CSMD1: variants seen among roughly 807,000 people sequenced by gnomAD.
The protein encoded by CSMD1 is CUB and sushi domain-containing protein 1.
A neutral mutation model predicts 417.5 loss-of-function variants in CSMD1; 213 were observed. That is an observed-to-expected ratio of 0.51 (90% confidence interval 0.46 to 0.57). The LOEUF is 0.57. CSMD1 is among the 20% of genes least tolerant of loss of function. The probability of loss-of-function intolerance (pLI) is 0.00; values close to 1 mark genes in which losing one functional copy is unlikely to be tolerated. For missense variants in CSMD1, 6,923 were observed against 4,529.7 expected (o/e 1.53, Z -15.17); for synonymous variants, 2,862 against 1,736.8 (o/e 1.65, Z -16.11).
chr8:3,006,395 C>T (rs1344222190), intron 52 of CSMD1, among the ~76,000 whole-genome samples: 1 of 149,810 alleles, frequency 6.7e-6, no homozygotes, highest in Non-Finnish European at 1.5e-5. Context: ...CTACCAATGA[C>T]TTTCTTCACA....
intron 10 of CSMD1, among the ~76,000 whole-genome samples, chr8:3,522,478 A>G (rs1021964467): frequency 1.3e-5 from 2 of 152,228 alleles, no homozygotes; most frequent in Middle Eastern, 3.2e-3. Context: ...TTTAGATGGC[A>G]TAACAATTTA....
intron 7 of CSMD1, among the ~76,000 whole-genome samples, chr8:3,672,974 A>G (rs541462971): frequency 3.3e-5 from 5 of 152,270 alleles, no homozygotes; most frequent in African/African-American, 1.2e-4. Flanking sequence ...CCTATGCCTT[A>G]TTGTAAGTAC....
In CSMD1 at chr8:4,408,359, A is replaced by T. The variant is rs951917316; in HGVS notation, c.415+11594T>A. ...CTGGGAAGCTGTCTGGAAAGGGCGT[A>T]TCATCCTCTACTGTCAAAAAAGAGG... On this transcript the variant is annotated intron_variant, in intron 3 of 69. Transcript: ENST00000635120. Among the ~76,000 whole-genome samples, 77 of 152,244 alleles carry T rather than the reference A, an allele frequency of 5.1e-4. 1 individual carries two copies. Among genetic ancestry groups the T allele is most frequent in the Non-Finnish European group, 1.2e-4 (8 of 68,040 alleles).
intron 24 of CSMD1, 91 bp from the exon 25 acceptor site, chr8:3,307,912 G>T: frequency 7.3e-7 from 1 of 1,363,690 alleles, no homozygotes; most frequent in Non-Finnish European, 1.0e-6. Context: ...CATTATGTCT[G>T]CATTATATAC....
intron 7 of CSMD1, among the ~76,000 whole-genome samples, chr8:3,671,038 GAT>G (rs1229769739): frequency 1.2e-3 from 137 of 111,572 alleles, no homozygotes; most frequent in South Asian, 2.3e-3. Context: ...ATGCATATGG[GAT>G]ATATATGTAT....
Position 3,616,714 on chromosome 8 carries a change from A to G in CSMD1, c.1093T>C (p.Phe365Leu), listed in dbSNP as rs1802156769. The G allele has an allele frequency of 6.2e-7, 1 of 1,604,566 alleles. No individual in the cohort carries two copies. Among genetic ancestry groups the G allele is most frequent in the Non-Finnish European group, 8.5e-7 (1 of 1,171,898 alleles). ...CACCACTATTGTATCTCTTACCTGA[A>G]GTCGGAACCTGCTCTTCTACCATTT... Reference protein sequence around the residue: ...PENGRRAGSDFRVGANVQFSC... With the variant: ...PENGRRAGSDLRVGANVQFSC... The change falls in exon 8 of 70, where the codon TTC (phenylalanine) becomes CTC (leucine). Residue 365 changes from phenylalanine to leucine, a missense_variant. Phe to Leu is a conservative substitution (Grantham distance 22). Transcript: ENST00000635120.
chr8:3,919,493 G>A (rs1404457766), intron 5 of CSMD1, among the ~76,000 whole-genome samples: 1 of 152,084 alleles, frequency 6.6e-6, no homozygotes, highest in Non-Finnish European at 1.5e-5. Flanking sequence ...ATTGGTCTAT[G>A]TGTCTGTTTT....
At chr8:4,040,488 T>C (rs1797830175) in intron 3 of CSMD1, among the ~76,000 whole-genome samples, 3 of 152,150 alleles carry the variant, frequency 2.0e-5, no homozygotes, top group Non-Finnish European at 4.4e-5. Flanking sequence ...CTTGCAAGCA[T>C]GACAAAAACT....
chr8:4,837,181 G>A (rs985691957), intron 1 of CSMD1, among the ~76,000 whole-genome samples: 5 of 152,102 alleles, frequency 3.3e-5, no homozygotes, highest in Admixed American at 6.6e-5. Context: ...GGTGAGGATG[G>A]GGAGAAAAGG....
At chr8:4,325,119 C>G (rs1408573676) in intron 3 of CSMD1, among the ~76,000 whole-genome samples, 2 of 152,106 alleles carry the variant, frequency 1.3e-5, no homozygotes, top group Non-Finnish European at 2.9e-5. Context: ...TGATACTGCA[C>G]ATTGTATGCA....
intron 6 of CSMD1, among the ~76,000 whole-genome samples, chr8:3,716,721 C>G (rs895974096): frequency 2.2e-4 from 34 of 152,150 alleles, no homozygotes; most frequent in African/African-American, 7.2e-4. Flanking sequence ...CTTACTTTCT[C>G]CAGCCCCTAT....
At chr8:3,273,038 T>C (rs1801984728) in intron 26 of CSMD1, among the ~76,000 whole-genome samples, 1 of 152,102 alleles carries the variant, frequency 6.6e-6, no homozygotes, top group South Asian at 2.1e-4. Flanking sequence ...TTCTAGTTTT[T>C]GCCCATTCGG....
chr8:4,475,453 G>A (rs1231295976), intron 2 of CSMD1, among the ~76,000 whole-genome samples: 1 of 152,018 alleles, frequency 6.6e-6, no homozygotes, highest in Non-Finnish European at 1.5e-5. Context: ...CATATGGAAG[G>A]CAACCCCATT....
Position 4,788,828 on chromosome 8 carries a change from T to C in CSMD1, c.86-151270A>G, listed in dbSNP as rs73661132. On this transcript the variant is annotated intron_variant, in intron 1 of 69. Coordinates refer to ENST00000635120, the MANE Select transcript of CSMD1 (RefSeq NM_033225.6). ...ATCTGCTTTTGAAACATTTTATACATTTTAAATTTATGACACAGAAACTCT... is the reference window on the plus strand; with the variant it reads ...ATCTGCTTTTGAAACATTTTATACACTTTAAATTTATGACACAGAAACTCT... Among the ~76,000 whole-genome samples, 484 of 152,308 alleles carry C rather than the reference T, an allele frequency of 3.2e-3. 2 individuals carry two copies. The highest frequency in any genetic ancestry group is 9.7e-3 in the African/African-American group (405 of 41,574).
At chr8:2,971,085 G>A (rs569702695) in intron 57 of CSMD1, among the ~76,000 whole-genome samples, 8 of 152,190 alleles carry the variant, frequency 5.3e-5, no homozygotes, top group East Asian at 1.9e-4. Flanking sequence ...TATTTCCTAA[G>A]AACAAAGGCA....
At chr8:4,415,260 G>A (rs1300392370) in intron 3 of CSMD1, among the ~76,000 whole-genome samples, 5 of 152,036 alleles carry the variant, frequency 3.3e-5, no homozygotes, top group Non-Finnish European at 5.9e-5. Context: ...CCTCACTTCT[G>A]CACCCCCTCC....
At chr8:4,262,256 G>T (rs1803939154) in intron 3 of CSMD1, among the ~76,000 whole-genome samples, 2 of 152,142 alleles carry the variant, frequency 1.3e-5, no homozygotes, top group South Asian at 4.1e-4. Flanking sequence ...GGGCATGGTG[G>T]AGGATGCCCT....
chr8:3,737,491 A>T (rs1047225825), intron 6 of CSMD1, among the ~76,000 whole-genome samples: 2 of 152,190 alleles, frequency 1.3e-5, no homozygotes, highest in African/African-American at 4.8e-5. Flanking sequence ...TCTGTTGAAA[A>T]ATTTCTCTGT....
chr8:4,514,683 G>C (rs770000262), intron 2 of CSMD1, among the ~76,000 whole-genome samples: 39 of 152,126 alleles, frequency 2.6e-4, no homozygotes, highest in Non-Finnish European at 4.0e-4. Flanking sequence ...CATAAATAGA[G>C]TACCTGGTAC....
Sources: allele counts gnomAD v4.1 joint callset (sites outside exome capture counted in the v4.1 genomes callset), GRCh38; gene constraint gnomAD v4.1.1; transcripts MANE v1.5; gene names NCBI Gene and HGNC (gene_info 2026-07-23, HGNC 2026-07-21).